TENM3: variants seen among roughly 807,000 people sequenced by gnomAD.
TENM3 encodes the protein teneurin transmembrane protein 3.
A neutral mutation model predicts 255.1 loss-of-function variants in TENM3; 63 were observed. The observed-to-expected ratio is 0.25, with a 90% confidence interval of 0.20 to 0.30. The LOEUF (loss-of-function observed/expected upper bound fraction) is 0.30, where lower values mean the gene tolerates loss of function less well. Ranked by LOEUF, TENM3 falls within the 10% of genes least tolerant of loss-of-function variation. The pLI is 1.00. For synonymous variants in TENM3, 1,306 were observed against 1,322.3 expected, an observed-to-expected ratio of 0.99 and a Z score of 0.27; for missense variants, 2,929 against 3,461.1, an observed-to-expected ratio of 0.85 and a Z score of 3.86.
chr4:182,753,476 A>G lies in TENM3; in HGVS notation c.3889A>G (p.Ile1297Val), dbSNP rs1325791665. The change falls in exon 21 of 28, where the codon ATC (isoleucine) becomes GTC (valine). Residue 1297 changes from isoleucine to valine, a missense_variant. By Grantham distance (29) the Ile-to-Val change is conservative (BLOSUM62 3). This residue lies in a region of TENM3 where 1,608 missense variants were observed against 1,884.4 expected (regional missense o/e 0.85). Transcript: ENST00000511685. Reference protein sequence around the residue: ...KGMAVDKNGLIYFVDGTMIRK... With the variant: ...KGMAVDKNGLVYFVDGTMIRK... ...AATGGCAGTTGATAAGAATGGATTA[A>G]TCTACTTTGTTGATGGAACCATGAT... is the stretch of plus-strand genomic sequence containing the variant. 3 of 1,613,796 alleles carry G rather than the reference A, an allele frequency of 1.9e-6. No individual in the cohort carries two copies. The Admixed American group carries it at 5.0e-5, about 27-fold the overall frequency.
intron 12 of TENM3, among the ~76,000 whole-genome samples, chr4:182,692,328 G>A (rs550696022): frequency 2.6e-5 from 4 of 152,308 alleles, no homozygotes; most frequent in African/African-American, 9.6e-5. Flanking sequence ...TAAATAACCT[G>A]GACAATGATA....
At chr4:182,169,025 A>G (rs984822541) in intron 1 of TENM3, among the ~76,000 whole-genome samples, 2 of 152,126 alleles carry the variant, frequency 1.3e-5, no homozygotes, top group Middle Eastern at 3.4e-3. Context: ...AGTGACAGCT[A>G]TATGAGGGAA....
In TENM3 at chr4:182,295,256, CTTTTCTTTTTTTTTTTT is replaced by C. The variant is rs1761403509; in HGVS notation, c.-75-28685_-75-28669del. On this transcript the variant is annotated intron_variant, in intron 1 of 27. Transcript: ENST00000511685. ...GGAAACAAGTGGTATATGTGCTTTG[CTTTTCTTTTTTTTTTTT>C]TTTTTTTTTTTTGAGACGGAGTCTC... Among the ~76,000 whole-genome samples the C allele has an allele frequency of 1.6e-5, 2 of 121,536 alleles. 1 individual carries two copies. The highest frequency in any genetic ancestry group is 6.8e-5 in the African/African-American group (2 of 29,520). The allele number at this position is 121,536 out of a possible 152,430, so 79.7% of individuals were successfully genotyped here.
At chr4:181,547,548 C>A in the TENM3 span, among the ~76,000 whole-genome samples, 1 of 152,130 alleles carries the variant, frequency 6.6e-6, no homozygotes, top group Non-Finnish European at 1.5e-5. Context: ...AAAAAGCATT[C>A]ACACCAAGTA....
chr4:181,646,149 T>G, the TENM3 span, among the ~76,000 whole-genome samples: 57 of 152,370 alleles, frequency 3.7e-4, 1 homozygote, highest in South Asian at 0.012. Flanking sequence ...GCTGTTGTTT[T>G]GTTGTGTGGT....
chr4:181,751,549 C>T, the TENM3 span, among the ~76,000 whole-genome samples: 1 of 152,078 alleles, frequency 6.6e-6, no homozygotes, highest in East Asian at 1.9e-4. Flanking sequence ...GATCCAGAAC[C>T]GATTACACAT....
the TENM3 span, among the ~76,000 whole-genome samples, chr4:182,118,807 T>C: frequency 6.6e-6 from 1 of 152,208 alleles, no homozygotes; most frequent in Non-Finnish European, 1.5e-5. Context: ...TAAACCCCAC[T>C]TGGCCGTGGT....
intron 3 of TENM3, among the ~76,000 whole-genome samples, chr4:182,375,207 A>G (rs1767094282): frequency 6.6e-6 from 1 of 151,928 alleles, no homozygotes; most frequent in Non-Finnish European, 1.5e-5. Context: ...TTACTACCTT[A>G]TTTTGAAGTT....
chr4:182,467,713 G>T (rs1169279592), intron 3 of TENM3, among the ~76,000 whole-genome samples: 2 of 152,108 alleles, frequency 1.3e-5, no homozygotes, highest in Admixed American at 1.3e-4. Flanking sequence ...CTCCACTTTG[G>T]GTCACCCCTG....
In TENM3 at chr4:182,236,601, G is replaced by A. The variant is rs151094643; in HGVS notation, c.-75-87345G>A. On this transcript the variant is annotated intron_variant, in intron 1 of 2. Coordinates refer to the TENM3 transcript ENST00000512480. ...AAATAATTTAATGGGAAATGTATAC[G>A]GAAAATGTATGTTAAATAATATGTA... 4.9e-3 allele frequency among the ~76,000 whole-genome samples: 748 copies of A among 152,170 alleles called. 6 individuals are homozygous for A. The highest frequency in any genetic ancestry group is 0.016 in the African/African-American group (684 of 41,516).
chr4:181,489,418 A>C, the TENM3 span, among the ~76,000 whole-genome samples: 1 of 152,290 alleles, frequency 6.6e-6, no homozygotes, highest in East Asian at 1.9e-4. Flanking sequence ...GCAATAGTTA[A>C]ATTCAAATAA....
chr4:182,268,659 C>G (rs1162366169), intron 1 of TENM3, among the ~76,000 whole-genome samples: 1 of 152,040 alleles, frequency 6.6e-6, no homozygotes. Flanking sequence ...AGGAGCCGGC[C>G]AAAACCCACC....
At chr4:181,940,522 C>T in the TENM3 span, among the ~76,000 whole-genome samples, 1 of 152,042 alleles carries the variant, frequency 6.6e-6, no homozygotes, top group Non-Finnish European at 1.5e-5. Flanking sequence ...AATAAATAAA[C>T]TATATAACAT....
intron 3 of TENM3, among the ~76,000 whole-genome samples, chr4:182,550,439 T>G (rs28411851): frequency 0.028 from 4,327 of 152,294 alleles, 122 homozygotes; most frequent in African/African-American, 0.07. Context: ...ACTCCTGTTG[T>G]TTTTCTCAAC....
the TENM3 span, among the ~76,000 whole-genome samples, chr4:182,045,422 C>A: frequency 6.0e-5 from 9 of 150,410 alleles, no homozygotes; most frequent in Admixed American, 5.9e-4. Flanking sequence ...GATTAAGAGG[C>A]TAAATAGATT....
intron 5 of TENM3, among the ~76,000 whole-genome samples, chr4:182,652,748 A>G (rs1250618799): frequency 6.6e-6 from 1 of 152,176 alleles, no homozygotes; most frequent in Admixed American, 6.5e-5. Context: ...GCGCTGGTAA[A>G]TTCCAGTACA....
At chr4:182,539,115 G>A (rs754329550) in intron 3 of TENM3, among the ~76,000 whole-genome samples, 4 of 151,166 alleles carry the variant, frequency 2.6e-5, no homozygotes, top group Non-Finnish European at 5.9e-5. Flanking sequence ...AGGCCTGAGT[G>A]ATTCTGTATT....
At chr4:181,765,483 G>A in the TENM3 span, among the ~76,000 whole-genome samples, 1 of 152,070 alleles carries the variant, frequency 6.6e-6, no homozygotes, top group Non-Finnish European at 1.5e-5. Context: ...TTTCACGACT[G>A]AAAAATAAAA....
At chr4:182,573,871 C>T (rs949038644) in intron 3 of TENM3, among the ~76,000 whole-genome samples, 1 of 151,978 alleles carries the variant, frequency 6.6e-6, no homozygotes, top group South Asian at 2.1e-4. Flanking sequence ...TGTGCTTAAG[C>T]AGAAATTTTT....
Sources: allele counts gnomAD v4.1 joint callset (sites outside exome capture counted in the v4.1 genomes callset), GRCh38; gene constraint gnomAD v4.1.1; regional missense constraint gnomAD v4.1.1; transcripts MANE v1.5; gene names NCBI Gene and HGNC (gene_info 2026-07-23, HGNC 2026-07-21).